Variants in MACF1 observed in about 807,000 individuals in gnomAD.
MACF1 encodes microtubule actin crosslinking factor 1.
In MACF1, 193 loss-of-function variants were observed where a neutral mutation model predicts 854.8. That is an observed-to-expected ratio of 0.23 (90% CI 0.20 to 0.25). MACF1 has a LOEUF of 0.25. MACF1 is among the 10% of genes least tolerant of loss of function. MACF1 has a pLI of 1.00. For synonymous variants in MACF1, 3,185 were observed against 3,226.7 expected, an observed-to-expected ratio of 0.99 and a Z score of 0.44; for missense variants, 7,722 against 8,929.1, an observed-to-expected ratio of 0.86 and a Z score of 5.45.
chr1:39,231,276 A>T (rs753034205), intron 2 of MACF1, 33 bp downstream of exon 2: 1 of 1,574,634 alleles, frequency 6.4e-7, no homozygotes, highest in Admixed American at 1.7e-5. Context: ...CTGCCCCAGC[A>T]CCTCTCACTG....
At position 39,340,450 on chromosome 1, in the gene MACF1, C is replaced by T; in HGVS notation, c.10216-52C>T. ...AGAGAAATGTGTTCACAGCTGATTC[C>T]CAGAGGGTTTCTAGTCTTGCTTTTA... On this transcript the variant is annotated intron_variant, in intron 38 of 100. Coordinates refer to ENST00000564288, the MANE Select transcript of MACF1 (RefSeq NM_001394062.1). 3.0e-6 allele frequency: 4 copies of T among 1,343,190 alleles called. No individual in the cohort carries two copies. In the South Asian group the frequency reaches 3.6e-5, roughly 12 times the overall value. 83.2% of individuals were successfully genotyped at this position (1,343,190 alleles called of 1,614,324 possible).
chr1:39,235,107 G>A (rs1358524389), intron 2 of MACF1, among the ~76,000 whole-genome samples: 13 of 152,060 alleles, frequency 8.5e-5, no homozygotes, highest in Non-Finnish European at 7.4e-5. Flanking sequence ...ACGGGGTGGC[G>A]GCCGGGCAGA....
intron 5 of MACF1, among the ~76,000 whole-genome samples, chr1:39,256,732 T>C (rs1215822767): frequency 2.6e-5 from 4 of 151,274 alleles, no homozygotes; most frequent in Non-Finnish European, 4.4e-5. Context: ...GCACATTGAG[T>C]TGTTGGGATG....
chr1:39,330,227 A>G (rs753466835), intron 36 of MACF1, among the ~76,000 whole-genome samples: 2 of 152,146 alleles, frequency 1.3e-5, no homozygotes, highest in African/African-American at 2.4e-5. Context: ...TTGACTTGCT[A>G]CTTCCAAGAC....
chr1:39,331,658 G>A lies in MACF1; in HGVS notation c.5070G>A (p.Glu1690=). 5.6e-6 allele frequency: 9 copies of A among 1,614,100 alleles called. No homozygotes were observed. Among genetic ancestry groups the A allele is most frequent in the Non-Finnish European group, 5.9e-6 (7 of 1,180,026 alleles). ...CTGCATGGCTTCATTCAGTATTAGA[G>A]TCTTATCTTAGAACATCCAAGAATT... ...LISAWLHSVL[E]SYLRTSKNLI... Residue 1690 remains glutamate (E), a synonymous_variant, in exon 37 of 101, where the codon GAG becomes GAA. Transcript: ENST00000564288.
chr1:39,197,914 G>C (rs1384908898), intron 2 of MACF1, among the ~76,000 whole-genome samples: 2 of 152,096 alleles, frequency 1.3e-5, no homozygotes, highest in African/African-American at 4.8e-5. Context: ...ATGGTGGACA[G>C]ATGCCAAGTG....
intron 28 of MACF1, among the ~76,000 whole-genome samples, chr1:39,316,834 A>G (rs1271574634): frequency 1.3e-5 from 2 of 152,164 alleles, no homozygotes; most frequent in Admixed American, 1.3e-4. Flanking sequence ...CTTAGCTGTT[A>G]TCTAATTTGA....
chr1:39,468,849 C>T (rs1644720605), intron 96 of MACF1, 117 bp downstream of exon 96: 6 of 913,136 alleles, frequency 6.6e-6, no homozygotes, highest in Non-Finnish European at 1.0e-5. Context: ...GTTAAGCTGC[C>T]CAGGTGTCAT....
At chr1:39,161,821 C>G (rs531679372) in intron 2 of MACF1, among the ~76,000 whole-genome samples, 162 of 151,606 alleles carry the variant, frequency 1.1e-3, no homozygotes, top group South Asian at 8.1e-3. Flanking sequence ...GAGCAGAGAT[C>G]GTGCCACTGC....
intron 2 of MACF1, among the ~76,000 whole-genome samples, chr1:39,145,579 G>A (rs760559731): frequency 6.6e-5 from 10 of 151,230 alleles, no homozygotes; most frequent in Non-Finnish European, 1.5e-4. Flanking sequence ...TTTAGTCATC[G>A]TGAGCCACTA....
chr1:39,315,759 A>C, intron 27 of MACF1, 68 bp downstream of exon 27: 1 of 1,467,094 alleles, frequency 6.8e-7, no homozygotes, highest in Admixed American at 1.9e-5. Flanking sequence ...GAAAGGCTTA[A>C]AGTATTTCAT....
chr1:39,127,208 G>A (rs1187306670), intron 2 of MACF1, among the ~76,000 whole-genome samples: 1 of 152,194 alleles, frequency 6.6e-6, no homozygotes, highest in African/African-American at 2.4e-5. Flanking sequence ...ACAACAGAGC[G>A]AGAGACTCTA....
chr1:39,424,605 A>G (rs1353917942), intron 61 of MACF1, among the ~76,000 whole-genome samples: 1 of 152,312 alleles, frequency 6.6e-6, no homozygotes, highest in East Asian at 1.9e-4. Context: ...TTATAGTAAT[A>G]TTAGATTTTT....
intron 2 of MACF1, among the ~76,000 whole-genome samples, chr1:39,107,812 A>G (rs1025642503): frequency 2.6e-5 from 4 of 152,188 alleles, no homozygotes; most frequent in African/African-American, 4.8e-5. Context: ...TGGTCACCAC[A>G]TTACTTGGAT....
chr1:39,122,731 C>T (rs1369421452), intron 2 of MACF1, among the ~76,000 whole-genome samples: 1 of 152,150 alleles, frequency 6.6e-6, no homozygotes, highest in Non-Finnish European at 1.5e-5. Context: ...AAAGGTCACA[C>T]CCATTATCTT....
chr1:39,368,692 G>A (rs968571782), intron 50 of MACF1, among the ~76,000 whole-genome samples: 21 of 151,834 alleles, frequency 1.4e-4, no homozygotes, highest in Non-Finnish European at 4.4e-5. Flanking sequence ...AGTAGAGACG[G>A]GGTTTCCCTA....
intron 22 of MACF1, among the ~76,000 whole-genome samples, chr1:39,300,747 C>G (rs981642354): frequency 6.6e-5 from 10 of 152,124 alleles, no homozygotes; most frequent in African/African-American, 2.4e-4. Context: ...GCTAATATTA[C>G]CCTAAGAGCA....
chr1:39,243,783 G>A (rs1644950919), intron 2 of MACF1, among the ~76,000 whole-genome samples: 1 of 152,176 alleles, frequency 6.6e-6, no homozygotes, highest in African/African-American at 2.4e-5. Context: ...AGTATGAGCA[G>A]AAGAGATGAG....
chr1:39,406,169 A>G (rs968485163), intron 58 of MACF1, among the ~76,000 whole-genome samples: 1 of 152,152 alleles, frequency 6.6e-6, no homozygotes, highest in Non-Finnish European at 1.5e-5. Flanking sequence ...AGATTACTAT[A>G]TGTAATTTCT....
Sources: allele counts gnomAD v4.1 joint callset (sites outside exome capture counted in the v4.1 genomes callset), GRCh38; gene constraint gnomAD v4.1.1; transcripts MANE v1.5; gene names NCBI Gene and HGNC (gene_info 2026-07-23, HGNC 2026-07-21).